RIPOR2: variants seen among roughly 807,000 people sequenced by gnomAD.
RIPOR2 encodes rho family-interacting cell polarization regulator 2.
RIPOR2 carries 39 observed loss-of-function variants against 114.5 expected under a neutral mutation model. That is an observed-to-expected ratio of 0.34 (90% CI 0.26 to 0.44). The LOEUF (loss-of-function observed/expected upper bound fraction) is 0.44. RIPOR2 is among the 20% of genes least tolerant of loss of function. The pLI, the probability that RIPOR2 is intolerant of heterozygous loss-of-function variation, is 1.00. For missense variants in RIPOR2, 1,007 were observed against 1,255.1 expected, an observed-to-expected ratio of 0.80 and a Z score of 2.99; for synonymous variants, 445 against 484.4, an observed-to-expected ratio of 0.92 and a Z score of 1.07.
chr6:24,866,511 G>T (rs1173834746), intron 6 of RIPOR2, among the ~76,000 whole-genome samples: 1 of 125,612 alleles, frequency 8.0e-6, no homozygotes, highest in Non-Finnish European at 1.6e-5. Flanking sequence ...TAGTGCTAGG[G>T]TTGAAAATTT....
intron 1 of RIPOR2, among the ~76,000 whole-genome samples, chr6:24,922,458 T>C (rs992508876): frequency 3.9e-5 from 6 of 152,172 alleles, no homozygotes; most frequent in African/African-American, 1.4e-4. Context: ...TTCCCTACTG[T>C]TAAATTTACC....
chr6:24,822,783 G>T lies in RIPOR2; in HGVS notation c.2868+2443C>A, dbSNP rs183003218. Among the ~76,000 whole-genome samples the T allele has an allele frequency of 1.3e-3, 191 of 152,344 alleles. 1 individual carries two copies. The highest frequency in any genetic ancestry group is 1.4e-3 in the Non-Finnish European group (96 of 68,028). ...GATCCACCCGCCTCGGCTTCCCAAA[G>T]TGTTGGGATTACAGGCGTGAGCCAC... On this transcript the variant is annotated intron_variant, in intron 19 of 21. Transcript: ENST00000643898.
intron 1 of RIPOR2, among the ~76,000 whole-genome samples, chr6:24,915,268 T>C (rs1769981812): frequency 6.6e-6 from 1 of 152,130 alleles, no homozygotes; most frequent in East Asian, 1.9e-4. Context: ...TCCTTTCTAA[T>C]AGTATAATCT....
chr6:24,838,989 A>G, intron 14 of RIPOR2, 102 bp downstream of exon 14: 2 of 983,314 alleles, frequency 2.0e-6, no homozygotes, highest in South Asian at 1.8e-5. Context: ...GGAGAGTTTT[A>G]TCTTCCTGGA....
intron 1 of RIPOR2, among the ~76,000 whole-genome samples, chr6:25,041,618 A>T (rs902407358): frequency 2.0e-5 from 3 of 152,248 alleles, no homozygotes; most frequent in African/African-American, 7.2e-5. Context: ...TCACCACTTG[A>T]AACAAAATGT....
chr6:24,885,338 T>C (rs1030029434), intron 1 of RIPOR2, among the ~76,000 whole-genome samples: 1 of 152,172 alleles, frequency 6.6e-6, no homozygotes, highest in African/African-American at 2.4e-5. Context: ...TCCTCCTGCC[T>C]CAGCCTCCCG....
At chr6:24,955,673 C>T (rs531489084) in intron 1 of RIPOR2, among the ~76,000 whole-genome samples, 66 of 148,922 alleles carry the variant, frequency 4.4e-4, no homozygotes, top group Middle Eastern at 3.4e-3. Context: ...ATCTCTTACT[C>T]CGTCTAAGGT....
At chr6:24,951,268 T>C (rs1216397803) in intron 1 of RIPOR2, among the ~76,000 whole-genome samples, 1 of 152,190 alleles carries the variant, frequency 6.6e-6, no homozygotes, top group Non-Finnish European at 1.5e-5. Context: ...AGCCTGATTA[T>C]GGTTTTTATG....
chr6:24,945,855 G>A (rs12216261), intron 1 of RIPOR2, among the ~76,000 whole-genome samples: 18,704 of 151,800 alleles, frequency 0.12, 1,396 homozygotes, highest in East Asian at 0.33. Flanking sequence ...TTTTATTCTC[G>A]TTTATTTTCT....
intron 1 of RIPOR2, among the ~76,000 whole-genome samples, chr6:24,950,820 G>A (rs144911300): frequency 0.01 from 1,554 of 152,308 alleles, 21 homozygotes; most frequent in African/African-American, 0.03. Flanking sequence ...GGGTGCATAG[G>A]GTTTGCTGCT....
rs1254450628 is a variant in RIPOR2 at position 24,875,754 on chromosome 6, G to T, written c.125C>A (p.Pro42His). ...GGACTGGCTTCTAATGATCCCATTG[G>T]GCCCTCCAGGCGAAAAAGACTGGGA... is the stretch of plus-strand genomic sequence containing the variant. Reference protein sequence around the residue: ...VGSQSFSPGGPNGIIRSQSFA... With the variant: ...VGSQSFSPGGHNGIIRSQSFA... The change falls in exon 2 of 22, where the codon CCC becomes CAC. Residue 42 changes from proline (P) to histidine (H), a missense_variant. Transcript: ENST00000643898. 6.2e-7 allele frequency: 1 copy of T among 1,613,352 alleles called. No homozygotes were observed. The highest frequency in any genetic ancestry group is 8.5e-7 in the Non-Finnish European group (1 of 1,179,674).
At chr6:24,982,236 G>C (rs888911539) in intron 1 of RIPOR2, among the ~76,000 whole-genome samples, 1 of 152,032 alleles carries the variant, frequency 6.6e-6, no homozygotes, top group Non-Finnish European at 1.5e-5. Flanking sequence ...TTTTCCAAAG[G>C]CTGTTAACAA....
intron 19 of RIPOR2, among the ~76,000 whole-genome samples, chr6:24,822,799 C>A (rs576330470): frequency 8.5e-5 from 13 of 152,302 alleles, no homozygotes; most frequent in African/African-American, 2.9e-4. Context: ...GGATTACAGG[C>A]GTGAGCCACT....
At position 25,037,059 on chromosome 6, in the gene RIPOR2, CAATAGCT is replaced by C. The variant is rs1356801781; in HGVS notation, c.76+4785_76+4791del. Among the ~76,000 whole-genome samples the C allele has an allele frequency of 6.6e-6, 1 of 152,146 alleles. No homozygotes were observed. Among genetic ancestry groups the C allele is most frequent in the Non-Finnish European group, 1.5e-5 (1 of 68,020 alleles). On this transcript the variant is annotated intron_variant, in intron 1 of 13. Coordinates refer to the RIPOR2 transcript ENST00000510784. This position sits in a 1 kb window ranked among gnomAD's most constrained non-coding sequence, Gnocchi z 4.5. ...TTACCATTTTTAGGCCCTCAGCTCC[CAATAGCT>C]ACATTGCCAGGAACTGTGCTAGGCA... is the stretch of plus-strand genomic sequence containing the variant.
At chr6:24,955,247 T>C (rs1772975773) in intron 1 of RIPOR2, among the ~76,000 whole-genome samples, 1 of 152,202 alleles carries the variant, frequency 6.6e-6, no homozygotes. Flanking sequence ...AATCCAACCA[T>C]AGTCCCAAGA....
chr6:25,002,370 C>T (rs1449625627), intron 1 of RIPOR2, among the ~76,000 whole-genome samples: 1 of 152,186 alleles, frequency 6.6e-6, no homozygotes, highest in East Asian at 1.9e-4. Context: ...AGATAACAAC[C>T]ACCTGTTACA....
At chr6:24,891,061 G>GA (rs1357911571) in intron 1 of RIPOR2, among the ~76,000 whole-genome samples, 1 of 152,114 alleles carries the variant, frequency 6.6e-6, no homozygotes, top group Non-Finnish European at 1.5e-5. Flanking sequence ...AGTAGAGGAA[G>GA]AAAACTATAA....
At chr6:24,986,120 C>T (rs954522517) in intron 1 of RIPOR2, among the ~76,000 whole-genome samples, 1 of 152,142 alleles carries the variant, frequency 6.6e-6, no homozygotes, top group Non-Finnish European at 1.5e-5. Flanking sequence ...TGATATTTTC[C>T]TGAGTGTTTA....
At chr6:24,928,609 G>C (rs1295490349) in intron 1 of RIPOR2, among the ~76,000 whole-genome samples, 1 of 152,184 alleles carries the variant, frequency 6.6e-6, no homozygotes, top group East Asian at 1.9e-4. Context: ...TGTGTGAGTG[G>C]TATAGTATAA....
Sources: allele counts gnomAD v4.1 joint callset (sites outside exome capture counted in the v4.1 genomes callset), GRCh38; gene constraint gnomAD v4.1.1; non-coding constraint Gnocchi (gnomAD v3.1); transcripts MANE v1.5; gene names NCBI Gene and HGNC (gene_info 2026-07-23, HGNC 2026-07-21).